The following KIF20B variants were observed in gnomAD, a reference collection of about 807,000 sequenced individuals.
KIF20B encodes the protein kinesin family member 20B, also known as kinesin-like protein KIF20B.
A neutral mutation model predicts 232.5 loss-of-function variants in KIF20B; 188 were observed. The ratio of observed to expected loss-of-function variants is 0.81; its 90% CI spans 0.72 to 0.91. The LOEUF is 0.91. Among genes scored for constraint, KIF20B ranks in the 40% least tolerant of loss-of-function variants. The pLI is 0.00. For missense variants in KIF20B, 2,154 were observed against 2,055.9 expected (o/e 1.05, Z -0.92); for synonymous variants, 712 against 683.0 (o/e 1.04, Z -0.66).
At chr10:89,757,131 A>G (rs1271726414) in intron 26 of KIF20B, among the ~76,000 whole-genome samples, 1 of 149,618 alleles carries the variant, frequency 6.7e-6, no homozygotes, top group Admixed American at 6.7e-5. Context: ...AGAATGCTGC[A>G]CTGATTTTCG....
At chr10:89,704,759 A>G (rs1396665045) in intron 1 of KIF20B, among the ~76,000 whole-genome samples, 4 of 152,152 alleles carry the variant, frequency 2.6e-5, no homozygotes, top group Admixed American at 6.5e-5. Context: ...GGGTTTCACC[A>G]TCTTGGCCAG....
At position 89,719,640 on chromosome 10, in the gene KIF20B, T is replaced by C; in HGVS notation, c.1656T>C (p.Leu552=). The change falls in exon 13 of 33, where the codon CTT becomes CTC. Residue 552 remains leucine (L), a synonymous_variant. Coordinates refer to ENST00000371728, the MANE Select transcript of KIF20B (RefSeq NM_001284259.2). The stretch of plus-strand genomic sequence containing the variant: ...AAACTCAAAATGTGGAAACTAAACT[T>C]CTTGATGAAGATCTAGATAAAACAT... ...AEETQNVETK[L]LDEDLDKTLE... is the part of the protein sequence containing the mutation. 6.2e-7 allele frequency: 1 copy of C among 1,612,900 alleles called. No individual in the cohort carries two copies. Among genetic ancestry groups the C allele is most frequent in the South Asian group, 1.1e-5 (1 of 90,968 alleles).
At position 89,762,781 on chromosome 10, in the gene KIF20B, A is replaced by G. The variant is rs1158249457; in HGVS notation, c.4935A>G (p.Pro1645=). Residue 1645 remains proline (P), a synonymous_variant, in exon 29 of 33, where the codon CCA becomes CCG. Coordinates refer to ENST00000371728, the MANE Select transcript of KIF20B (RefSeq NM_001284259.2). ...TGAAACACCCTGGTTGTACCACACC[A>G]GTGACAGTTAAGATTCCCAAGGCTC... is the stretch of plus-strand genomic sequence containing the variant. ...MAVKHPGCTT[P]VTVKIPKARK... The G allele has an allele frequency of 1.2e-6, 2 of 1,613,466 alleles. No homozygotes were observed. Among genetic ancestry groups the G allele is most frequent in the Non-Finnish European group, 1.7e-6 (2 of 1,179,616 alleles).
At chr10:89,747,587 G>A (rs1428157953) in intron 23 of KIF20B, among the ~76,000 whole-genome samples, 1 of 151,606 alleles carries the variant, frequency 6.6e-6, no homozygotes, top group Non-Finnish European at 1.5e-5. Flanking sequence ...TCCTTTGTAG[G>A]GACATGGATG....
At chr10:89,752,430 A>T (rs1842039450) in intron 24 of KIF20B, 137 bp from the exon 25 acceptor site, 1 of 517,246 alleles carries the variant, frequency 1.9e-6, no homozygotes. Context: ...AAACTATAGA[A>T]TAGCCTCAGT....
Position 89,711,001 on chromosome 10 carries a change from T to A in KIF20B, c.531T>A (p.Asn177Lys), listed in dbSNP as rs1842827026. Residue 177 changes from asparagine (N) to lysine (K), a missense_variant, in exon 6 of 33, where the codon AAT (asparagine) becomes AAA (lysine). Coordinates refer to ENST00000371728, the MANE Select transcript of KIF20B (RefSeq NM_001284259.2). ...ENIGILPRTL[N>K]VLFDSLQERL... is the part of the protein sequence containing the mutation. ...TTGGCATTCTGCCTCGAACTTTGAA[T>A]GTATTATTTGATAGTCTTCAAGAAA... is the stretch of plus-strand genomic sequence containing the variant. 5.6e-6 allele frequency: 9 copies of A among 1,605,658 alleles called. No homozygotes were observed. The highest frequency in any genetic ancestry group is 1.1e-5 in the South Asian group (1 of 89,166).
intron 6 of KIF20B, among the ~76,000 whole-genome samples, chr10:89,713,772 AGT>A (rs1391635118): frequency 1.3e-5 from 2 of 152,222 alleles, no homozygotes; most frequent in Non-Finnish European, 2.9e-5. Flanking sequence ...TTACAACATA[AGT>A]GTGGGGAAAA....
chr10:89,727,702 T>A lies in KIF20B; in HGVS notation c.2231-154T>A, dbSNP rs562718016. ...TGTGGTTGAATTAGCAGATTTTTTT[T>A]TAATGAGTAGGGTGTGCTTCTAGTG... On this transcript the variant is annotated intron_variant, in intron 16 of 32. Transcript: ENST00000371728. 3.3e-4 allele frequency among the ~76,000 whole-genome samples: 51 copies of A among 152,324 alleles called. No individual in the cohort carries two copies. The South Asian group carries it at 4.3e-3, about 13-fold the overall frequency.
intron 21 of KIF20B, among the ~76,000 whole-genome samples, chr10:89,742,019 T>C (rs1349049930): frequency 6.6e-6 from 1 of 152,096 alleles, no homozygotes; most frequent in Non-Finnish European, 1.5e-5. Flanking sequence ...GGGCTTCCTT[T>C]AAATGAAAAG....
intron 6 of KIF20B, among the ~76,000 whole-genome samples, chr10:89,712,880 T>C (rs1247211847): frequency 6.6e-6 from 1 of 152,180 alleles, no homozygotes; most frequent in Non-Finnish European, 1.5e-5. Flanking sequence ...TTAATGCAAA[T>C]TTTTCTTTTT....
At chr10:89,733,135 G>A in intron 19 of KIF20B, 79 bp downstream of exon 19, 1 of 1,410,564 alleles carries the variant, frequency 7.1e-7, no homozygotes, top group Non-Finnish European at 9.9e-7. Context: ...CAAACAGAGG[G>A]GCATTCACTT....
intron 18 of KIF20B, among the ~76,000 whole-genome samples, chr10:89,730,337 C>T (rs1236511216): frequency 6.6e-6 from 1 of 151,934 alleles, no homozygotes; most frequent in African/African-American, 2.4e-5. Context: ...CCAACGTGTG[C>T]CAGGTACTAT....
chr10:89,766,717 A>G (rs971186686), intron 29 of KIF20B, among the ~76,000 whole-genome samples: 2 of 152,180 alleles, frequency 1.3e-5, no homozygotes, highest in African/African-American at 4.8e-5. Flanking sequence ...CAGAAATAGT[A>G]TTAACTATAC....
At chr10:89,748,920 A>G (rs1231041432) in intron 23 of KIF20B, among the ~76,000 whole-genome samples, 1 of 151,964 alleles carries the variant, frequency 6.6e-6, no homozygotes, top group Non-Finnish European at 1.5e-5. Flanking sequence ...AAAATCTGTC[A>G]GCATTTTGCA....
At chr10:89,732,716 C>G (rs1464806554) in intron 18 of KIF20B, among the ~76,000 whole-genome samples, 187 bp from the exon 19 acceptor site, 2 of 151,978 alleles carry the variant, frequency 1.3e-5, no homozygotes, top group East Asian at 3.9e-4. Context: ...TCCAGTTATC[C>G]CCAAATGTTA....
rs760876341 is a variant in KIF20B at position 89,714,968 on chromosome 10, C to G, written c.726C>G (p.Asn242Lys). Residue 242 changes from asparagine to lysine, a missense_variant, in exon 8 of 33, where the codon AAC becomes AAG. Coordinates refer to ENST00000371728, the MANE Select transcript of KIF20B (RefSeq NM_001284259.2). ...TTTTTTTTGTAGGAAGTTTAACTAA[C>G]TCTTTGAATATCTCAGAGTTTGAAG... ...SDDTLYGSLTNSLNISEFEES... is the reference protein window; with the variant it reads ...SDDTLYGSLTKSLNISEFEES... 1 of 1,557,068 alleles carries G rather than the reference C, an allele frequency of 6.4e-7. No homozygotes were observed. The highest frequency in any genetic ancestry group is 2.3e-5 in the East Asian group (1 of 44,040).
Position 89,738,102 on chromosome 10 carries a change from A to G in KIF20B, c.3261A>G (p.Lys1087=). The G allele has an allele frequency of 6.2e-7, 1 of 1,612,364 alleles. No individual in the cohort carries two copies. Among genetic ancestry groups the G allele is most frequent in the Non-Finnish European group, 8.5e-7 (1 of 1,179,594 alleles). Residue 1087 remains lysine (K), a synonymous_variant, in exon 20 of 33, where the codon AAA becomes AAG. Transcript: ENST00000371728. ...AGGAACTGGAACAACAAATTGAAAA[A>G]TTGCAGGCAGAAGTAAAAGGCTATA... ...QIEELEQQIE[K]LQAEVKGYKD...
At position 89,751,449 on chromosome 10, in the gene KIF20B, G is replaced by C. The variant is rs1440616973; in HGVS notation, c.4200G>C (p.Glu1400Asp). 5.0e-6 allele frequency: 8 copies of C among 1,606,396 alleles called. No homozygotes were observed. The Admixed American group carries it at 1.4e-4, about 27-fold the overall frequency. The change falls in exon 24 of 33, where the codon GAG (glutamate) becomes GAC (aspartate). Residue 1400 changes from glutamate to aspartate, a missense_variant. Transcript: ENST00000371728. ...EQDQVLEAKL[E>D]EVERLATELE... ...ATCAAGTGCTTGAGGCTAAATTAGA[G>C]GAAGTTGAAAGGCTGGCCACAGGTA...
chr10:89,760,960 A>C (rs542646221), intron 28 of KIF20B, among the ~76,000 whole-genome samples: 11 of 152,280 alleles, frequency 7.2e-5, no homozygotes, highest in Non-Finnish European at 1.0e-4. Context: ...TGTGTTAAAT[A>C]GTATTTTTTG....
Sources: gnomAD v4.1 joint callset for allele counts (sites outside exome capture counted in the v4.1 genomes callset) on GRCh38, gnomAD v4.1.1 for gene constraint, MANE v1.5 for transcripts, NCBI Gene and HGNC (gene_info 2026-07-23, HGNC 2026-07-21) for gene names.